The following GRID2IP variants were observed in gnomAD, a reference collection of about 807,000 sequenced individuals.
GRID2IP encodes the protein Grid2 interacting protein.
GRID2IP carries 78 observed loss-of-function variants against 114.3 expected under a neutral mutation model. That is an observed-to-expected ratio of 0.68 (90% CI 0.57 to 0.82). The LOEUF is 0.82. GRID2IP is among the 40% of genes least tolerant of loss of function. The pLI is 0.00. For missense variants in GRID2IP, 1,727 were observed against 1,678.5 expected (o/e 1.03, Z -0.51); for synonymous variants, 809 against 724.0 (o/e 1.12, Z -1.89).
chr7:6,523,572 T>G lies in GRID2IP; in HGVS notation c.920-1615A>C, dbSNP rs1779452753. ...TTGGGAAGAACAGCAGACCTGGATT[T>G]TTTTTTCTTTTTTTGAGACAGGGTC... On this transcript the variant is annotated intron_variant, in intron 4 of 21. Coordinates refer to ENST00000457091, the MANE Select transcript of GRID2IP (RefSeq NM_001145118.2). The surrounding 1 kb of genome is among the most constrained non-coding windows in gnomAD (Gnocchi z 4.5). Among the ~76,000 whole-genome samples the G allele has an allele frequency of 6.6e-6, 1 of 152,096 alleles. No individual in the cohort carries two copies. Among genetic ancestry groups the G allele is most frequent in the Non-Finnish European group, 1.5e-5 (1 of 68,024 alleles).
chr7:6,524,398 G>A (rs1200261031), intron 4 of GRID2IP, among the ~76,000 whole-genome samples: 1 of 152,214 alleles, frequency 6.6e-6, no homozygotes, highest in Non-Finnish European at 1.5e-5. Flanking sequence ...AGGTGACCCA[G>A]TTCTGAGCAG....
In GRID2IP at chr7:6,540,921, C is replaced by T. The variant is rs144918935; in HGVS notation, c.430-1049G>A. 3.9e-5 allele frequency among the ~76,000 whole-genome samples: 6 copies of T among 152,164 alleles called. No individual in the cohort carries two copies. The East Asian group carries it at 1.2e-3, about 29-fold the overall frequency. ...GTGTGATTATAACTTACTGCAGCTT[C>T]CACCTCCTGGGCTCAAGTGATCCTC... is the stretch of plus-strand genomic sequence containing the variant. On this transcript the variant is annotated intron_variant, in intron 1 of 21. Transcript: ENST00000457091.
chr7:6,505,202 G>C (rs1243347402), intron 14 of GRID2IP, among the ~76,000 whole-genome samples: 1 of 152,122 alleles, frequency 6.6e-6, no homozygotes, highest in African/African-American at 2.4e-5. Flanking sequence ...ATTTGTGGAT[G>C]CCTCCTGTCT....
chr7:6,505,459 C>T lies in GRID2IP; in HGVS notation c.2632+361G>A, dbSNP rs537265540. 5.9e-5 allele frequency among the ~76,000 whole-genome samples: 9 copies of T among 151,638 alleles called. No homozygotes were observed. In the South Asian group the frequency reaches 1.0e-3, roughly 18 times the overall value. On this transcript the variant is annotated intron_variant, in intron 14 of 21. Transcript: ENST00000457091. ...CGCGGCTCACTGCAACCTCCACCTC[C>T]GAGGCTCAATCGATCCTCCCAACTC...
intron 1 of GRID2IP, among the ~76,000 whole-genome samples, chr7:6,548,984 C>T (rs910490251): frequency 7.2e-5 from 11 of 152,092 alleles, no homozygotes; most frequent in Non-Finnish European, 1.6e-4. Flanking sequence ...ATTTCCTAGT[C>T]GCACACAGGA....
In GRID2IP at chr7:6,508,928, GCCTC is replaced by G. The variant is rs759214870; in HGVS notation, c.2127+26_2127+29del. ...CAGACCGCCACACCTCGCCTCACCC[GCCTC>G]CCTCCACACCTGCTTGCGTGCCCAC... On this transcript the variant is annotated intron_variant, in intron 12 of 21. Coordinates refer to ENST00000457091, the MANE Select transcript of GRID2IP (RefSeq NM_001145118.2). The surrounding 1 kb of genome is among the most constrained non-coding windows in gnomAD (Gnocchi z 5.6). 7 of 1,532,882 alleles carry G rather than the reference GCCTC, an allele frequency of 4.6e-6. No homozygotes were observed. The highest frequency in any genetic ancestry group is 4.1e-5 in the African/African-American group (3 of 72,754). 95.0% of individuals were successfully genotyped at this position (1,532,882 alleles called of 1,614,324 possible).
intron 1 of GRID2IP, among the ~76,000 whole-genome samples, 164 bp from the exon 2 acceptor site, chr7:6,540,036 T>TCTCTTTCTCTCTTCCTTCCTTTCTTC (rs1562524883): frequency 4.2e-5 from 6 of 142,578 alleles, no homozygotes; most frequent in Non-Finnish European, 5.9e-5. Flanking sequence ...TTCCTTCCTT[T>TCTCTTTCTCTCTTCCTTCCTTTCTTC]CTCTTTCTCT....
At chr7:6,501,951 A>G (rs908921716) in intron 19 of GRID2IP, 38 bp downstream of exon 19, 1 of 1,550,782 alleles carries the variant, frequency 6.4e-7, no homozygotes, top group Non-Finnish European at 8.7e-7. Flanking sequence ...AGCCCAGGAC[A>G]GCATGCCTCT....
intron 1 of GRID2IP, among the ~76,000 whole-genome samples, chr7:6,541,810 C>A (rs1156481609): frequency 2.0e-5 from 3 of 152,160 alleles, no homozygotes; most frequent in Non-Finnish European, 4.4e-5. Flanking sequence ...AATGATCTCA[C>A]ATGTAGGAAT....
chr7:6,525,265 C>T (rs1779487303), intron 4 of GRID2IP, among the ~76,000 whole-genome samples: 1 of 152,020 alleles, frequency 6.6e-6, no homozygotes, highest in South Asian at 2.1e-4. Context: ...TGAGATCATG[C>T]CATTGCACTC....
At chr7:6,538,901 G>C (rs867602135) in intron 2 of GRID2IP, among the ~76,000 whole-genome samples, 3 of 151,950 alleles carry the variant, frequency 2.0e-5, no homozygotes, top group Non-Finnish European at 2.9e-5. Flanking sequence ...AAGAAAGAGA[G>C]AAAGAGAGAG....
At position 6,551,019 on chromosome 7, in the gene GRID2IP, A is replaced by G; in HGVS notation, c.418T>C (p.Phe140Leu). Residue 140 changes from phenylalanine (F) to leucine (L), a missense_variant, in exon 1 of 22, where the codon TTC becomes CTC. Physicochemically the swap from Phe to Leu is conservative, Grantham distance 22. Transcript: ENST00000457091. ...CCCCCGCGCCTTACCTTGCGGCTGA[A>G]CTCTTGGGCCTTGCGCCTGCGCTCT... ...HRERRRKAQE[F>L]SRKVDEILGD... The G allele has an allele frequency of 2.4e-6, 3 of 1,228,412 alleles. No homozygotes were observed. The highest frequency in any genetic ancestry group is 3.0e-6 in the Non-Finnish European group (3 of 989,340). The allele number at this position is 1,228,412 out of a possible 1,614,324, so 76.1% of individuals were successfully genotyped here. A position where few individuals can be genotyped will look rare whatever the true frequency, so the allele number is the denominator to read the frequency against.
intron 1 of GRID2IP, among the ~76,000 whole-genome samples, 196 bp from the exon 2 acceptor site, chr7:6,540,068 T>C (rs561010861): frequency 6.6e-6 from 1 of 151,334 alleles, no homozygotes; most frequent in Non-Finnish European, 1.5e-5. Flanking sequence ...TCTTCCTTCC[T>C]CCCTTCCTTC....
At chr7:6,501,680 G>A in intron 20 of GRID2IP, 101 bp downstream of exon 20, 1 of 808,614 alleles carries the variant, frequency 1.2e-6, no homozygotes, top group East Asian at 2.7e-5. Context: ...CAGAATCTCT[G>A]CTGGAAGTCG....
Position 6,520,257 on chromosome 7 carries a change from A to C in GRID2IP, c.1268+321T>G, listed in dbSNP as rs1199402289. The stretch of plus-strand genomic sequence containing the variant: ...CAGTGAGCCAAGATCTCATCATTGC[A>C]CTCCAGCTGGGTGATAGAGCGAGAC... On this transcript the variant is annotated intron_variant, in intron 7 of 21. Coordinates refer to ENST00000457091, the MANE Select transcript of GRID2IP (RefSeq NM_001145118.2). This position sits in a 1 kb window ranked among gnomAD's most constrained non-coding sequence, Gnocchi z 4.6. Among the ~76,000 whole-genome samples, 1 of 151,316 alleles carries C rather than the reference A, an allele frequency of 6.6e-6. No homozygotes were observed. Among genetic ancestry groups the C allele is most frequent in the Non-Finnish European group, 1.5e-5 (1 of 67,926 alleles).
chr7:6,544,956 G>A (rs13228703), intron 1 of GRID2IP, among the ~76,000 whole-genome samples: 4 of 151,842 alleles, frequency 2.6e-5, no homozygotes, highest in Admixed American at 6.6e-5. Flanking sequence ...GCGTGATGGC[G>A]GGCGCCTGTA....
chr7:6,511,111 G>A (rs779568678), intron 8 of GRID2IP, 72 bp from the exon 9 acceptor site: 37 of 1,322,068 alleles, frequency 2.8e-5, no homozygotes, highest in Admixed American at 3.9e-5. Context: ...AAACAGGGAG[G>A]GGAGGGCAGA....
chr7:6,500,141 C>T (rs895871252), intron 20 of GRID2IP, among the ~76,000 whole-genome samples: 13 of 152,020 alleles, frequency 8.6e-5, no homozygotes, highest in Non-Finnish European at 1.6e-4. Context: ...TAACCCTTAC[C>T]TAAACAGCCT....
At position 6,510,249 on chromosome 7, in the gene GRID2IP, C is replaced by A. The variant is rs559754972; in HGVS notation, c.1771+34G>T. 76 of 1,418,226 alleles carry A rather than the reference C, an allele frequency of 5.4e-5. No individual in the cohort carries two copies. In the African/African-American group the frequency reaches 8.9e-4, roughly 17 times the overall value. The allele number at this position is 1,418,226 out of a possible 1,614,324, so 87.9% of individuals were successfully genotyped here. On this transcript the variant is annotated intron_variant, in intron 11 of 21. Coordinates refer to ENST00000457091, the MANE Select transcript of GRID2IP (RefSeq NM_001145118.2). The stretch of plus-strand genomic sequence containing the variant: ...GCTGAGCCTGGGGTGGAGGGAAACA[C>A]CCAGACAGTAGATGACAGAGGCTGG...
Sources: allele counts gnomAD v4.1 joint callset (sites outside exome capture counted in the v4.1 genomes callset), GRCh38; gene constraint gnomAD v4.1.1; non-coding constraint Gnocchi (gnomAD v3.1); transcripts MANE v1.5; gene names NCBI Gene and HGNC (gene_info 2026-07-23, HGNC 2026-07-21).